The following CALN1 variants were observed in gnomAD, a reference collection of about 807,000 sequenced individuals.
CALN1 encodes calneuron 1.
CALN1 carries 17 observed loss-of-function variants against 30.6 expected under a neutral mutation model. The observed-to-expected ratio is 0.56, with a 90% CI of 0.38 to 0.83. CALN1 has a LOEUF of 0.83. Among genes scored for constraint, CALN1 ranks in the 40% least tolerant of loss-of-function variants. The probability of loss-of-function intolerance (pLI) is 0.00; values close to 1 mark genes in which losing one functional copy is unlikely to be tolerated. For missense variants in CALN1, 291 were observed against 354.9 expected, an observed-to-expected ratio of 0.82 and a Z score of 1.45; for synonymous variants, 156 against 131.4, an observed-to-expected ratio of 1.19 and a Z score of -1.28.
At chr7:71,812,411 G>T (rs1333671137) in intron 5 of CALN1, among the ~76,000 whole-genome samples, 1 of 152,204 alleles carries the variant, frequency 6.6e-6, no homozygotes. Flanking sequence ...GAAAGACACA[G>T]ATCCCTGTAA....
At chr7:72,154,894 AT>A (rs55768005) in intron 3 of CALN1, among the ~76,000 whole-genome samples, 155 of 148,878 alleles carry the variant, frequency 1.0e-3, no homozygotes, top group African/African-American at 3.5e-3. Flanking sequence ...TGTCTCTACA[AT>A]TTTTTTTTTT....
chr7:72,002,324 C>T (rs1222715711), intron 5 of CALN1, among the ~76,000 whole-genome samples: 1 of 152,116 alleles, frequency 6.6e-6, no homozygotes, highest in Non-Finnish European at 1.5e-5. Flanking sequence ...TGTTAGCATA[C>T]AGTTGGACAA....
chr7:71,881,892 G>A lies in CALN1; in HGVS notation c.502-71400C>T, dbSNP rs201260684. 3.5e-4 allele frequency among the ~76,000 whole-genome samples: 52 copies of A among 149,034 alleles called. No homozygotes were observed. The East Asian group carries it at 9.5e-3, about 27-fold the overall frequency. On this transcript the variant is annotated intron_variant, in intron 5 of 6. Coordinates refer to ENST00000395275, the MANE Select transcript of CALN1 (RefSeq NM_031468.4). ...GTTTGAGGTCAGCCTAAGCAATGTA[G>A]CAATACCCTATATTTACAAAAAAAA...
intron 5 of CALN1, among the ~76,000 whole-genome samples, chr7:71,810,706 C>T (rs535549552): frequency 8.9e-4 from 136 of 152,164 alleles, no homozygotes; most frequent in African/African-American, 3.0e-3. Flanking sequence ...ATATTCCCTT[C>T]GCTTTAGCTT....
intron 3 of CALN1, among the ~76,000 whole-genome samples, chr7:72,263,609 G>A (rs1796420032): frequency 2.6e-5 from 4 of 151,854 alleles, no homozygotes; most frequent in Admixed American, 2.6e-4. Context: ...GTGCCATGTT[G>A]CCCACTATGT....
chr7:72,326,334 G>A (rs1801276184), intron 2 of CALN1, among the ~76,000 whole-genome samples: 1 of 152,186 alleles, frequency 6.6e-6, no homozygotes, highest in African/African-American at 2.4e-5. Context: ...GGGTTTCCAA[G>A]TACTAAGCCG....
intron 5 of CALN1, among the ~76,000 whole-genome samples, chr7:71,939,403 C>CA (rs56368426): frequency 0.12 from 12,912 of 105,102 alleles, 955 homozygotes; most frequent in East Asian, 0.21. Context: ...ACTAAAAATA[C>CA]AAAAAAAAAA....
intron 2 of CALN1, among the ~76,000 whole-genome samples, chr7:72,342,868 A>T (rs920360417): frequency 9.2e-5 from 14 of 152,194 alleles, no homozygotes; most frequent in African/African-American, 3.1e-4. Context: ...AAAAAAAATC[A>T]TTCAAAAAAT....
chr7:72,240,192 CTT>C (rs57111533), intron 3 of CALN1, among the ~76,000 whole-genome samples: 24 of 140,600 alleles, frequency 1.7e-4, no homozygotes, highest in African/African-American at 3.3e-4. Context: ...GGGGAAATTT[CTT>C]TTTTTTTTTT....
chr7:71,847,959 C>A (rs899286694), intron 5 of CALN1, among the ~76,000 whole-genome samples: 2 of 152,100 alleles, frequency 1.3e-5, no homozygotes, highest in Non-Finnish European at 2.9e-5. Flanking sequence ...GCCTCCCCAG[C>A]CATGTGGAAC....
chr7:72,376,615 T>A (rs1274580928), intron 2 of CALN1, among the ~76,000 whole-genome samples: 1 of 152,246 alleles, frequency 6.6e-6, no homozygotes, highest in Admixed American at 6.5e-5. Context: ...TTGACCATTA[T>A]AATGTACTTT....
chr7:72,168,306 C>G (rs1340773105), intron 3 of CALN1, among the ~76,000 whole-genome samples: 1 of 151,180 alleles, frequency 6.6e-6, no homozygotes, highest in Admixed American at 6.6e-5. Flanking sequence ...GTCCAACGAT[C>G]TATAATCTGT....
At chr7:71,994,511 C>CAAAAAA (rs367725464) in intron 5 of CALN1, among the ~76,000 whole-genome samples, 4 of 43,994 alleles carry the variant, frequency 9.1e-5, no homozygotes, top group African/African-American at 2.6e-4. Flanking sequence ...GACTTCATCT[C>CAAAAAA]AAAAAAAAAA....
intron 2 of CALN1, among the ~76,000 whole-genome samples, chr7:72,397,508 C>T (rs1325121380): frequency 1.3e-5 from 2 of 152,060 alleles, no homozygotes; most frequent in Admixed American, 1.3e-4. Flanking sequence ...GAATAAGCTG[C>T]TAGGGAATTC....
chr7:71,810,133 G>A (rs1199082883), intron 6 of CALN1, among the ~76,000 whole-genome samples: 2 of 152,098 alleles, frequency 1.3e-5, no homozygotes, highest in East Asian at 3.9e-4. Flanking sequence ...TGCAAAAAAT[G>A]CAGAATTTGG....
chr7:72,382,237 T>C (rs1255472156), intron 2 of CALN1, among the ~76,000 whole-genome samples: 2 of 152,068 alleles, frequency 1.3e-5, no homozygotes, highest in Admixed American at 6.6e-5. Context: ...AGATTAGCAA[T>C]AGGAATTTTT....
At chr7:72,040,619 G>T (rs1385001221) in intron 4 of CALN1, among the ~76,000 whole-genome samples, 1 of 152,206 alleles carries the variant, frequency 6.6e-6, no homozygotes, top group Non-Finnish European at 1.5e-5. Context: ...AAGAAATTAA[G>T]GTTAAATTGT....
intron 5 of CALN1, among the ~76,000 whole-genome samples, chr7:71,926,880 AC>A (rs1795297961): frequency 6.6e-6 from 1 of 152,008 alleles, no homozygotes; most frequent in African/African-American, 2.4e-5. Flanking sequence ...GAAATTCTCC[AC>A]CATGCATATT....
At chr7:72,189,767 C>CCA (rs768066135) in intron 3 of CALN1, among the ~76,000 whole-genome samples, 1 of 130,936 alleles carries the variant, frequency 7.6e-6, no homozygotes, top group Non-Finnish European at 1.6e-5. Flanking sequence ...GACTTTGTCT[C>CCA]AAAAAAAAAA....
Sources: gnomAD v4.1 joint callset for allele counts (sites outside exome capture counted in the v4.1 genomes callset) on GRCh38, gnomAD v4.1.1 for gene constraint, MANE v1.5 for transcripts, NCBI Gene and HGNC (gene_info 2026-07-23, HGNC 2026-07-21) for gene names.